KHDRBS1: variants seen among roughly 807,000 people sequenced by gnomAD.
KHDRBS1 encodes the protein KH domain-containing, RNA-binding, signal transduction-associated protein 1.
Under a neutral mutation model 48.4 loss-of-function variants are expected in KHDRBS1, and 7 were observed. The ratio of observed to expected loss-of-function variants is 0.14; its 90% CI spans 0.08 to 0.27. The LOEUF (loss-of-function observed/expected upper bound fraction) is 0.27. Ranked by LOEUF, KHDRBS1 falls within the 10% of genes least tolerant of loss-of-function variation. The pLI is 1.00. For missense variants in KHDRBS1, 458 were observed against 601.2 expected, an observed-to-expected ratio of 0.76 and a Z score of 2.49; for synonymous variants, 241 against 235.8, an observed-to-expected ratio of 1.02 and a Z score of -0.20.
chr1:32,035,052 TTAA>T (rs892199760), intron 4 of KHDRBS1, among the ~76,000 whole-genome samples: 10 of 151,726 alleles, frequency 6.6e-5, no homozygotes, highest in Admixed American at 2.0e-4. Flanking sequence ...ACACAGCTGG[TTAA>T]TAATCTTAAG....
chr1:32,016,440 G>C lies in KHDRBS1; in HGVS notation c.382+2063G>C, dbSNP rs189644143. ...ACACCTTCCCCGTTCCCTCACTATAGTGCCTGCTGCAAATTGTACTTTAAG... is the reference window on the plus strand; with the variant it reads ...ACACCTTCCCCGTTCCCTCACTATACTGCCTGCTGCAAATTGTACTTTAAG... On this transcript the variant is annotated intron_variant, in intron 1 of 8. Coordinates refer to ENST00000327300, the MANE Select transcript of KHDRBS1 (RefSeq NM_006559.3). Among the ~76,000 whole-genome samples, 11 of 152,130 alleles carry C rather than the reference G, an allele frequency of 7.2e-5. No individual in the cohort carries two copies. In the East Asian group the frequency reaches 1.9e-3, roughly 27 times the overall value.
intron 10 of KHDRBS1, among the ~76,000 whole-genome samples, chr1:32,049,748 G>A (rs58265206): frequency 0.011 from 1,623 of 151,046 alleles, 25 homozygotes; most frequent in African/African-American, 0.037. Context: ...TGCAACCTCC[G>A]CCTCCTGGGT....
Position 32,043,241 on chromosome 1 carries a change from A to G in KHDRBS1, c.*617A>G, listed in dbSNP as rs931996188. ...TTAAATTTTAATATGAAAGATCCTC[A>G]TGAATTAAATAGTTGATGCAATTTT... is the stretch of plus-strand genomic sequence containing the variant. On this transcript the variant is annotated 3_prime_UTR_variant, in exon 9 of 9. Coordinates refer to ENST00000327300, the MANE Select transcript of KHDRBS1 (RefSeq NM_006559.3). 4.6e-5 allele frequency: 7 copies of G among 152,572 alleles called. No individual in the cohort carries two copies. The highest frequency in any genetic ancestry group is 1.0e-4 in the Non-Finnish European group (7 of 68,034). The allele number at this position is 152,572 out of a possible 1,614,324, so 9.5% of individuals were successfully genotyped here.
At chr1:32,036,163 A>ATTTTTTTTTTTTTTTT (rs397742842) in intron 4 of KHDRBS1, among the ~76,000 whole-genome samples, 5 of 60,470 alleles carry the variant, frequency 8.3e-5, no homozygotes, top group African/African-American at 3.7e-4. Flanking sequence ...CATTTTGAAG[A>ATTTTTTTTTTTTTTTT]TTTTTTTTTT....
chr1:32,013,932 C>T lies in KHDRBS1; in HGVS notation c.-64C>T. ...CTCCCGCTCTGCCACCCCCGCCAAC[C>T]GCCGCTCGGGCCTCCGTCGCTGCCG... On this transcript the variant is annotated 5_prime_UTR_variant, in exon 1 of 9. Coordinates refer to ENST00000327300, the MANE Select transcript of KHDRBS1 (RefSeq NM_006559.3). 2.2e-6 allele frequency: 3 copies of T among 1,345,104 alleles called. No individual in the cohort carries two copies. Among genetic ancestry groups the T allele is most frequent in the Non-Finnish European group, 2.9e-6 (3 of 1,049,220 alleles). The allele number at this position is 1,345,104 out of a possible 1,614,324, so 83.3% of individuals were successfully genotyped here.
chr1:32,047,685 C>T (rs951470538), downstream of KHDRBS1, among the ~76,000 whole-genome samples: 1 of 152,146 alleles, frequency 6.6e-6, no homozygotes, highest in African/African-American at 2.4e-5. Flanking sequence ...TCCCTTTCTA[C>T]CTTTGTTTCT....
intron 7 of KHDRBS1, 81 bp downstream of exon 7, chr1:32,038,700 A>G (rs565344890): frequency 2.5e-5 from 34 of 1,368,294 alleles, no homozygotes; most frequent in Non-Finnish European, 3.3e-5. Context: ...TTTAGACAGT[A>G]CAACCCTAAG....
chr1:32,028,223 C>G (rs1412569152), intron 1 of KHDRBS1, among the ~76,000 whole-genome samples: 1 of 151,982 alleles, frequency 6.6e-6, no homozygotes, highest in Admixed American at 6.6e-5. Context: ...AAAGTATGGT[C>G]CCTGGACCAG....
chr1:32,014,802 G>A (rs1284573090), intron 1 of KHDRBS1, among the ~76,000 whole-genome samples: 1 of 152,212 alleles, frequency 6.6e-6, no homozygotes, highest in Non-Finnish European at 1.5e-5. Context: ...AAGACAGCCA[G>A]AGCGGGGAGG....
chr1:32,045,661 T>C (rs1234711035), downstream of KHDRBS1, among the ~76,000 whole-genome samples: 1 of 152,220 alleles, frequency 6.6e-6, no homozygotes, highest in African/African-American at 2.4e-5. Flanking sequence ...TTGGAGTTCA[T>C]TGGTTGCAAG....
chr1:32,046,495 G>C (rs990968267), downstream of KHDRBS1, among the ~76,000 whole-genome samples: 3 of 152,182 alleles, frequency 2.0e-5, no homozygotes, highest in African/African-American at 7.2e-5. Context: ...GATTACAGGC[G>C]TGAGCCACCA....
chr1:32,039,602 A>G, intron 8 of KHDRBS1, 29 bp downstream of exon 8: 2 of 1,176,748 alleles, frequency 1.7e-6, no homozygotes, highest in Non-Finnish European at 2.6e-6. Context: ...GGTGGGGCAG[A>G]ATGTACAAGT....
chr1:32,055,906 A>G (rs1639475092), intron 10 of KHDRBS1, among the ~76,000 whole-genome samples: 1 of 152,116 alleles, frequency 6.6e-6, no homozygotes, highest in Admixed American at 6.5e-5. Flanking sequence ...TCTATTGTCT[A>G]TTCTGGCTCT....
Position 32,014,215 on chromosome 1 carries a change from C to G in KHDRBS1, c.220C>G (p.Pro74Ala). Reference protein sequence around the residue: ...PPLLPPSATGPDATVGGPAPT... With the variant: ...PPLLPPSATGADATVGGPAPT... Reference sequence around the variant, plus strand: ...GCTGCTGCCGCCCTCGGCCACGGGTCCCGACGCGACAGTGGGCGGGCCAGC... The same window carrying G: ...GCTGCTGCCGCCCTCGGCCACGGGTGCCGACGCGACAGTGGGCGGGCCAGC... The change falls in exon 1 of 9, where the codon CCC becomes GCC. Residue 74 changes from proline to alanine, a missense_variant. Physicochemically the swap from Pro to Ala is conservative, Grantham distance 27 (BLOSUM62 -1). This residue lies in a region of KHDRBS1 where 213 missense variants were observed against 215.6 expected (regional missense o/e 0.99). Coordinates refer to ENST00000327300, the MANE Select transcript of KHDRBS1 (RefSeq NM_006559.3). 2.7e-6 allele frequency: 4 copies of G among 1,461,860 alleles called. No individual in the cohort carries two copies. The highest frequency in any genetic ancestry group is 3.6e-6 in the Non-Finnish European group (4 of 1,098,766). The allele number at this position is 1,461,860 out of a possible 1,614,324, so 90.6% of individuals were successfully genotyped here. A position where few individuals can be genotyped will look rare whatever the true frequency, so the allele number is the denominator to read the frequency against.
rs1461077494 is a variant in KHDRBS1, at chr1:32,036,897, CT to C, written c.772-10del. ...AGATACCACACAATACTCCTTGTAT[CT>C]TTCGTTCCCAGGATATGATGGATGA... On this transcript the variant is annotated splice_polypyrimidine_tract_variant and intron_variant, in intron 4 of 8. Transcript: ENST00000327300. 2 of 1,609,214 alleles carry C rather than the reference CT, an allele frequency of 1.2e-6. No homozygotes were observed. The highest frequency in any genetic ancestry group is 8.5e-7 in the Non-Finnish European group (1 of 1,177,386).
At position 32,042,568 on chromosome 1, in the gene KHDRBS1, C is replaced by T; in HGVS notation, c.1276C>T (p.Pro426Ser). The T allele has an allele frequency of 1.2e-6, 2 of 1,613,956 alleles. No individual in the cohort carries two copies. Among genetic ancestry groups the T allele is most frequent in the South Asian group, 1.1e-5 (1 of 91,074 alleles). The change falls in exon 9 of 9, where the codon CCT becomes TCT. Residue 426 changes from proline to serine, a missense_variant. By Grantham distance (74) the Pro-to-Ser change is moderately conservative (BLOSUM62 -1). Coordinates refer to ENST00000327300, the MANE Select transcript of KHDRBS1 (RefSeq NM_006559.3). ...WNGTRPSLKA[P>S]PARPVKGAYR... Reference sequence around the variant, plus strand: ...TGGGACCAGGCCGTCGCTGAAGGCCCCTCCTGCTAGGCCAGTGAAGGGAGC... The same window carrying T: ...TGGGACCAGGCCGTCGCTGAAGGCCTCTCCTGCTAGGCCAGTGAAGGGAGC...
At chr1:32,051,226 C>G (rs1639415514) in intron 10 of KHDRBS1, among the ~76,000 whole-genome samples, 1 of 152,208 alleles carries the variant, frequency 6.6e-6, no homozygotes, top group Non-Finnish European at 1.5e-5. Context: ...TGTGGATATC[C>G]CATTGTCCCG....
In KHDRBS1 at chr1:32,014,274, C is replaced by G; in HGVS notation, c.279C>G (p.Ala93=). 3 of 1,550,478 alleles carry G rather than the reference C, an allele frequency of 1.9e-6. No individual in the cohort carries two copies. The highest frequency in any genetic ancestry group is 2.6e-6 in the Non-Finnish European group (3 of 1,148,822). The change falls in exon 1 of 9, where the codon GCC becomes GCG. Residue 93 remains alanine (A), a synonymous_variant. Coordinates refer to ENST00000327300, the MANE Select transcript of KHDRBS1 (RefSeq NM_006559.3). The stretch of plus-strand genomic sequence containing the variant: ...CGCTGCTGCCCCCCTCGGCCACAGC[C>G]TCGGTCAAGATGGAGCCAGAGAACA... ...PTPLLPPSAT[A]SVKMEPENKY... is the part of the protein sequence containing the mutation.
At chr1:32,033,915 A>G (rs1197546905) in intron 4 of KHDRBS1, among the ~76,000 whole-genome samples, 2 of 152,326 alleles carry the variant, frequency 1.3e-5, no homozygotes, top group South Asian at 2.1e-4. Context: ...ACTATTACTG[A>G]GGACTAGATA....
Sources: gnomAD v4.1 joint callset for allele counts (sites outside exome capture counted in the v4.1 genomes callset) on GRCh38, gnomAD v4.1.1 for gene constraint, gnomAD v4.1.1 regional missense constraint, MANE v1.5 for transcripts, NCBI Gene and HGNC (gene_info 2026-07-23, HGNC 2026-07-21) for gene names.